Variants in EML1 observed in about 807,000 individuals in gnomAD.
EML1 encodes EMAP like 1, also known as echinoderm microtubule-associated protein-like 1.
EML1 carries 27 observed loss-of-function variants against 110.4 expected under a neutral mutation model. The observed-to-expected ratio is 0.24, with a 90% CI of 0.18 to 0.34. The LOEUF is 0.34. Among genes scored for constraint, EML1 ranks in the 10% least tolerant of loss-of-function variants. EML1 has a pLI of 1.00. For missense variants in EML1, 741 were observed against 1,030.9 expected (o/e 0.72, Z 3.85); for synonymous variants, 344 against 385.8 (o/e 0.89, Z 1.27).
chr14:99,918,508 G>A (rs781108979), intron 16 of EML1, among the ~76,000 whole-genome samples: 1 of 152,198 alleles, frequency 6.6e-6, no homozygotes. Context: ...ATTTCAAAGT[G>A]CTGAGCATTT....
chr14:99,875,054 A>G, intron 3 of EML1: 1 of 1,504,908 alleles, frequency 6.6e-7, no homozygotes, highest in Admixed American at 1.7e-5. Context: ...CTCTGTTTTA[A>G]CGTAGTAGCT....
intron 1 of EML1, among the ~76,000 whole-genome samples, chr14:99,764,417 C>G (rs1456323911): frequency 2.6e-5 from 4 of 152,260 alleles, no homozygotes; most frequent in Admixed American, 6.5e-5. Context: ...CTCCACTTCC[C>G]TGGCCACCGT....
rs1171781515 is a variant in EML1, at chr14:99,939,438, A to G, written c.2322+111A>G. On this transcript the variant is annotated intron_variant, in intron 21 of 21. Coordinates refer to ENST00000262233, the MANE Select transcript of EML1 (RefSeq NM_004434.3). The surrounding 1 kb of genome is among the most constrained non-coding windows in gnomAD (Gnocchi z 4.2). The stretch of plus-strand genomic sequence containing the variant: ...CTGTGAGCGACTGCTGCCAGCCACA[A>G]AGGCAGATGTGACTCTGTTCTTTGC... The G allele has an allele frequency of 1.5e-5, 23 of 1,507,300 alleles. No homozygotes were observed. The highest frequency in any genetic ancestry group is 2.1e-5 in the Non-Finnish European group (23 of 1,113,914). 93.4% of individuals were successfully genotyped at this position (1,507,300 alleles called of 1,614,324 possible). A position where few individuals can be genotyped will look rare whatever the true frequency, so the allele number is the denominator to read the frequency against.
At chr14:99,919,425 G>GAC (rs376238109) in intron 16 of EML1, among the ~76,000 whole-genome samples, 8,831 of 97,474 alleles carry the variant, frequency 0.091, 472 homozygotes, top group African/African-American at 0.17. Flanking sequence ...CATGCACACA[G>GAC]ACACACACAC....
intron 1 of EML1, among the ~76,000 whole-genome samples, chr14:99,802,672 G>T (rs2057903445): frequency 6.6e-6 from 1 of 152,102 alleles, no homozygotes. Context: ...CGGGGGAGGT[G>T]GTTTGGGCTT....
At chr14:99,845,155 C>T (rs988574846) in intron 1 of EML1, among the ~76,000 whole-genome samples, 2 of 152,088 alleles carry the variant, frequency 1.3e-5, no homozygotes, top group Non-Finnish European at 2.9e-5. Flanking sequence ...TTCATTTGCT[C>T]CATATTCTCA....
chr14:99,914,728 T>A (rs1398301483), intron 15 of EML1, 31 bp downstream of exon 15: 2 of 1,581,074 alleles, frequency 1.3e-6, no homozygotes, highest in Non-Finnish European at 1.7e-6. Flanking sequence ...TCCATTTTTC[T>A]TACAGAAATT....
chr14:99,939,030 C>T lies in EML1; in HGVS notation c.2192-167C>T, dbSNP rs111271519. On this transcript the variant is annotated intron_variant, in intron 20 of 21. Coordinates refer to ENST00000262233, the MANE Select transcript of EML1 (RefSeq NM_004434.3). The surrounding 1 kb of genome is among the most constrained non-coding windows in gnomAD (Gnocchi z 4.2). ...GGCCTGAGTGAGAGGAGACTGGGCGCACAGCGAGAGGCCAGGAACTGAGGC... is the reference window on the plus strand; with the variant it reads ...GGCCTGAGTGAGAGGAGACTGGGCGTACAGCGAGAGGCCAGGAACTGAGGC... Among the ~76,000 whole-genome samples, 1,106 of 152,318 alleles carry T rather than the reference C, an allele frequency of 7.3e-3. 14 individuals are homozygous for T. The highest frequency in any genetic ancestry group is 0.025 in the African/African-American group (1,055 of 41,574).
At chr14:99,770,778 G>GTTTTTTTTTTTTTTTTTTT (rs1198007774), upstream of EML1, among the ~76,000 whole-genome samples, 15 of 79,552 alleles carry the variant, frequency 1.9e-4, no homozygotes, top group Admixed American at 3.5e-4. Flanking sequence ...AGTTTCCGCT[G>GTTTTTTTTTTTTTTTTTTT]ATTTTTTTTT....
At chr14:99,785,922 G>T (rs1008796402) in intron 1 of EML1, among the ~76,000 whole-genome samples, 1 of 152,058 alleles carries the variant, frequency 6.6e-6, no homozygotes. Context: ...GCCATACAGA[G>T]GACTCTGCAC....
intron 1 of EML1, among the ~76,000 whole-genome samples, chr14:99,766,527 A>G (rs1449788734): frequency 6.6e-6 from 1 of 152,074 alleles, no homozygotes; most frequent in Non-Finnish European, 1.5e-5. Flanking sequence ...CTCAGTTGGT[A>G]TGTTTCTATC....
chr14:99,815,399 C>T (rs1046909696), intron 1 of EML1, among the ~76,000 whole-genome samples: 1 of 152,050 alleles, frequency 6.6e-6, no homozygotes, highest in African/African-American at 2.4e-5. Flanking sequence ...CCTCGGCTTC[C>T]CAAAGTGCCA....
chr14:99,919,216 A>G (rs370026812), intron 16 of EML1, among the ~76,000 whole-genome samples: 29 of 152,122 alleles, frequency 1.9e-4, no homozygotes, highest in African/African-American at 6.5e-4. Context: ...CTGTGGTTTC[A>G]GTCAAATATT....
At position 99,755,709 on chromosome 14, in the gene EML1, A is replaced by G. The variant is rs557223185; in HGVS notation, c.28+17849A>G. On this transcript the variant is annotated intron_variant, in intron 1 of 10. Coordinates refer to the EML1 transcript ENST00000554479. ...GGATCCCCAAGTCTGCAGAACCCCA[A>G]TTCTAATTCACACAGATGCTGACTG... 1.1e-4 allele frequency among the ~76,000 whole-genome samples: 16 copies of G among 152,246 alleles called. 1 individual carries two copies. The South Asian group carries it at 3.3e-3, about 32-fold the overall frequency.
At chr14:99,765,898 C>T (rs1171416297) in intron 1 of EML1, among the ~76,000 whole-genome samples, 1 of 152,152 alleles carries the variant, frequency 6.6e-6, no homozygotes, top group African/African-American at 2.4e-5. Context: ...GCCACCGTGG[C>T]TGGCCTGGAT....
At chr14:99,751,852 A>T (rs1261386183) in intron 1 of EML1, among the ~76,000 whole-genome samples, 2 of 152,134 alleles carry the variant, frequency 1.3e-5, no homozygotes, top group Non-Finnish European at 2.9e-5. Flanking sequence ...GTCTATCTGC[A>T]GTCTGAAAAG....
intron 1 of EML1, among the ~76,000 whole-genome samples, chr14:99,767,016 C>T (rs11160546): frequency 0.7 from 105,766 of 152,028 alleles, 36,943 homozygotes; most frequent in South Asian, 0.83. Flanking sequence ...TGCTGAATCA[C>T]AGTCCCATAA....
At chr14:99,922,821 T>G (rs1402124567) in intron 17 of EML1, among the ~76,000 whole-genome samples, 1 of 152,246 alleles carries the variant, frequency 6.6e-6, no homozygotes, top group East Asian at 1.9e-4. Flanking sequence ...ATTTTGCCAA[T>G]TTTTAATTGG....
chr14:99,836,715 G>A (rs8019023), intron 1 of EML1, among the ~76,000 whole-genome samples: 103,364 of 152,018 alleles, frequency 0.68, 35,241 homozygotes, highest in Non-Finnish European at 0.7. Flanking sequence ...GAGGTCAGAC[G>A]TTGTGAATTT....
Sources: gnomAD v4.1 joint callset for allele counts (sites outside exome capture counted in the v4.1 genomes callset) on GRCh38, gnomAD v4.1.1 for gene constraint, Gnocchi (gnomAD v3.1) non-coding constraint, MANE v1.5 for transcripts, NCBI Gene and HGNC (gene_info 2026-07-23, HGNC 2026-07-21) for gene names.